The following RP1L1 variants were observed in gnomAD, a reference collection of about 807,000 sequenced individuals.
RP1L1 encodes retinitis pigmentosa 1-like 1 protein.
In RP1L1, 27 loss-of-function variants were observed where a neutral mutation model predicts 15.7. The observed-to-expected ratio is 1.72, with a 90% CI of 1.27 to 2.38. The LOEUF is 2.38. RP1L1 is among the 30% of genes most tolerant of loss of function. The pLI is 0.00. For missense variants in RP1L1, 4,798 were observed against 3,075.9 expected (o/e 1.56, Z -13.24); for synonymous variants, 1,813 against 1,276.7 (o/e 1.42, Z -8.96).
rs1411782855 is a variant in RP1L1 at position 10,622,883 on chromosome 8, TATCAG to T, written c.314_318del (p.Ser105Ter). ...CCACTGGGGGTCTTGGGGGGCTTCT[TATCAG>T]AGCAGAGGTAGCAGCCTCCATCTTC... is the stretch of plus-strand genomic sequence containing the variant. On this transcript the variant is annotated frameshift_variant, in exon 2 of 4. Coordinates refer to ENST00000382483, the MANE Select transcript of RP1L1 (RefSeq NM_178857.6). LOFTEE classifies it high-confidence loss of function. 2 of 1,613,654 alleles carry T rather than the reference TATCAG, an allele frequency of 1.2e-6. No individual in the cohort carries two copies. Among genetic ancestry groups the T allele is most frequent in the Middle Eastern group, 3.3e-4 (2 of 6,056 alleles).
Position 10,611,052 on chromosome 8 carries a change from C to G in RP1L1, c.3046G>C (p.Gly1016Arg). The G allele has an allele frequency of 6.2e-7, 1 of 1,612,808 alleles. No individual in the cohort carries two copies. The highest frequency in any genetic ancestry group is 8.5e-7 in the Non-Finnish European group (1 of 1,179,990). ...GGCTCTGGGTCCTGGCCGGGGTCCC[C>G]TTCCAGGGACTGCTGTCCCGCCTGA... ...PAQAGQQSLE[G>R]DPGQDPEPEG... Residue 1016 changes from glycine (G) to arginine (R), a missense_variant, in exon 4 of 4, where the codon GGG becomes CGG. By Grantham distance (125) the Gly-to-Arg change is moderately radical. Transcript: ENST00000382483.
At chr8:10,651,327 C>T (rs1798557108) in intron 1 of RP1L1, among the ~76,000 whole-genome samples, 1 of 152,222 alleles carries the variant, frequency 6.6e-6, no homozygotes, top group Admixed American at 6.5e-5. Context: ...AGCGCTCTCT[C>T]TCTGATTTGT....
chr8:10,632,475 C>G (rs757913077), intron 1 of RP1L1, among the ~76,000 whole-genome samples: 4 of 152,212 alleles, frequency 2.6e-5, no homozygotes, highest in Non-Finnish European at 5.9e-5. Context: ...CACCTAAAGT[C>G]TTGGGGAGGG....
chr8:10,628,214 A>T (rs1798187374), intron 1 of RP1L1, among the ~76,000 whole-genome samples: 1 of 152,220 alleles, frequency 6.6e-6, no homozygotes, highest in Non-Finnish European at 1.5e-5. Flanking sequence ...CCACAGGATC[A>T]CTGAGGTTAC....
rs527539772 is a variant in RP1L1 at position 10,609,247 on chromosome 8, C to T, written c.4851G>A (p.Ser1617=). The stretch of plus-strand genomic sequence containing the variant: ...GGCCCAGGGTCCGCTCAGAGAAGGC[C>T]GAGAGGTTTCGCAGGCCCCGGAGAC... ...RHRLRGLRNL[S]AFSERTLGLG... Residue 1617 remains serine, a synonymous_variant, in exon 4 of 4, where the codon TCG becomes TCA. Coordinates refer to ENST00000382483, the MANE Select transcript of RP1L1 (RefSeq NM_178857.6). 2.1e-4 allele frequency: 342 copies of T among 1,608,866 alleles called. No homozygotes were observed. The South Asian group carries it at 2.2e-3, about 10-fold the overall frequency.
intron 1 of RP1L1, among the ~76,000 whole-genome samples, chr8:10,623,954 C>T (rs1439132942): frequency 6.6e-6 from 1 of 151,688 alleles, no homozygotes; most frequent in African/African-American, 2.4e-5. Flanking sequence ...CCTCCACATC[C>T]CTGGCATCAC....
chr8:10,609,625 C>T lies in RP1L1; in HGVS notation c.4473G>A (p.Thr1491=), dbSNP rs370105040. ...CAGCCCCCTGGGTGGGTTGGGCCTG[C>T]GTGTGCTCTTGGCCCATCATGGTGG... The part of the protein sequence containing the change: ...PGATMMGQEH[T]QAQPTQGAAE... Residue 1491 remains threonine, a synonymous_variant, in exon 4 of 4, where the codon ACG becomes ACA. Transcript: ENST00000382483. 6.7e-5 allele frequency: 107 copies of T among 1,607,662 alleles called. 1 individual carries two copies. Among genetic ancestry groups the T allele is most frequent in the Non-Finnish European group, 8.7e-5 (103 of 1,179,970 alleles).
chr8:10,648,791 A>T (rs553247618), intron 1 of RP1L1, among the ~76,000 whole-genome samples: 29 of 152,354 alleles, frequency 1.9e-4, no homozygotes, highest in Admixed American at 5.2e-4. Flanking sequence ...TTGGATTGAC[A>T]GACACCACAC....
rs1797720698 is a variant in RP1L1 at position 10,607,299 on chromosome 8, C to G, written c.6799G>C (p.Glu2267Gln). The G allele has an allele frequency of 1.2e-6, 2 of 1,614,092 alleles. No homozygotes were observed. Among genetic ancestry groups the G allele is most frequent in the African/African-American group, 1.3e-5 (1 of 74,934 alleles). Residue 2267 changes from glutamate to glutamine, a missense_variant, in exon 4 of 4, where the codon GAA becomes CAA. By Grantham distance (29) the Glu-to-Gln change is conservative (BLOSUM62 2). Transcript: ENST00000382483. The stretch of plus-strand genomic sequence containing the variant: ...TCCTCAGGGACTGGGCTGCTGCTTT[C>G]AGAAGCCTCCTCAGATTGGCCATCT... The part of the protein sequence containing the change: ...LGDGQSEEAS[E>Q]SSSPVPEDRP...
chr8:10,630,832 C>T (rs1386659984), intron 1 of RP1L1, among the ~76,000 whole-genome samples: 4 of 152,256 alleles, frequency 2.6e-5, no homozygotes, highest in South Asian at 2.1e-4. Flanking sequence ...ATGACAACTG[C>T]TTGCCAACAC....
rs1365403267 is a variant in RP1L1 at position 10,608,745 on chromosome 8, T to C, written c.5353A>G (p.Ser1785Gly). The C allele has an allele frequency of 1.9e-6, 3 of 1,614,104 alleles. No individual in the cohort carries two copies. In the African/African-American group the frequency reaches 4.0e-5, roughly 22 times the overall value. The change falls in exon 4 of 4, where the codon AGT becomes GGT. Residue 1785 changes from serine to glycine, a missense_variant. Transcript: ENST00000382483. ...TCCTGCTCAGCTTCCCCCAACTCAC[T>C]GCCCGCACTGGTTTCACTGTTGTGG... Reference protein sequence around the residue: ...KTHNSETSAGSELGEAEQEGE... With the variant: ...KTHNSETSAGGELGEAEQEGE...
rs550931031 is a variant in RP1L1 at position 10,622,533 on chromosome 8, G to C, written c.609+60C>G. 2.1e-5 allele frequency: 34 copies of C among 1,605,446 alleles called. No individual in the cohort carries two copies. In the Middle Eastern group the frequency reaches 5.0e-4, roughly 23 times the overall value. Reference sequence around the variant, plus strand: ...GGAATAATCTCTCTCTTCCATGTGAGTATTTTGACCTCAGGTCTAAAGAAC... The same window carrying C: ...GGAATAATCTCTCTCTTCCATGTGACTATTTTGACCTCAGGTCTAAAGAAC... On this transcript the variant is annotated intron_variant, in intron 2 of 3. Coordinates refer to ENST00000382483, the MANE Select transcript of RP1L1 (RefSeq NM_178857.6).
At chr8:10,621,800 A>C (rs771556956) in intron 2 of RP1L1, 6 of 493,612 alleles carry the variant, frequency 1.2e-5, no homozygotes, top group Admixed American at 1.0e-4. Flanking sequence ...ACATTCACGC[A>C]TGTCCTTGAA....
Position 10,607,222 on chromosome 8 carries a change from T to C in RP1L1, c.6876A>G (p.Pro2292=), listed in dbSNP as rs929163204. 1 of 1,614,172 alleles carries C rather than the reference T, an allele frequency of 6.2e-7. No homozygotes were observed. The highest frequency in any genetic ancestry group is 1.1e-5 in the South Asian group (1 of 91,086). Residue 2292 remains proline (P), a synonymous_variant, in exon 4 of 4, where the codon CCA becomes CCG. Coordinates refer to ENST00000382483, the MANE Select transcript of RP1L1 (RefSeq NM_178857.6). Reference sequence around the variant, plus strand: ...AGGAGGAAGGGCCTGTTTGGGAGCCTGGCCTTTGGTGGGGAGTGTCTCCAC... The same window carrying C: ...AGGAGGAAGGGCCTGTTTGGGAGCCCGGCCTTTGGTGGGGAGTGTCTCCAC... ...SPGGDTPHQR[P]GSQTGPSSSR... is the part of the protein sequence containing the mutation.
chr8:10,611,592 C>T lies in RP1L1; in HGVS notation c.2506G>A (p.Glu836Lys), dbSNP rs1344215265. ...CSQPGTQPAQ[E>K]AQRGPSPEAS... ...TCAGGGGAGGGTCCCCGCTGGGCCT[C>T]TTGGGCCGGCTGCGTCCCAGGCTGT... The change falls in exon 4 of 4, where the codon GAG becomes AAG. Residue 836 changes from glutamate (E) to lysine (K), a missense_variant. Glu to Lys is a moderately conservative substitution (Grantham distance 56). Coordinates refer to ENST00000382483, the MANE Select transcript of RP1L1 (RefSeq NM_178857.6). The T allele has an allele frequency of 6.2e-7, 1 of 1,611,648 alleles. No homozygotes were observed. The highest frequency in any genetic ancestry group is 1.7e-5 in the Admixed American group (1 of 59,812).
chr8:10,608,744 C>T lies in RP1L1; in HGVS notation c.5354G>A (p.Ser1785Asn). 6.2e-7 allele frequency: 1 copy of T among 1,614,272 alleles called. No individual in the cohort carries two copies. Among genetic ancestry groups the T allele is most frequent in the South Asian group, 1.1e-5 (1 of 91,090 alleles). Reference sequence around the variant, plus strand: ...CTCCTGCTCAGCTTCCCCCAACTCACTGCCCGCACTGGTTTCACTGTTGTG... The same window carrying T: ...CTCCTGCTCAGCTTCCCCCAACTCATTGCCCGCACTGGTTTCACTGTTGTG... The part of the protein sequence containing the change: ...KTHNSETSAG[S>N]ELGEAEQEGE... Residue 1785 changes from serine (S) to asparagine (N), a missense_variant, in exon 4 of 4, where the codon AGT (serine) becomes AAT (asparagine). Coordinates refer to ENST00000382483, the MANE Select transcript of RP1L1 (RefSeq NM_178857.6).
intron 1 of RP1L1, among the ~76,000 whole-genome samples, chr8:10,648,154 C>G (rs1798506927): frequency 2.0e-5 from 3 of 152,054 alleles, no homozygotes. Flanking sequence ...GCCTTGGCCT[C>G]CTGAGTAGCT....
chr8:10,622,810 T>A lies in RP1L1; in HGVS notation c.392A>T (p.Asp131Val), dbSNP rs1363202733. 1 of 1,613,734 alleles carries A rather than the reference T, an allele frequency of 6.2e-7. No individual in the cohort carries two copies. Among genetic ancestry groups the A allele is most frequent in the Admixed American group, 1.7e-5 (1 of 59,986 alleles). ...TGGGGCTTCACGCTGGCCTTCGACA[T>A]CCCGCAACTGCTGAGCAGTGGGGTT... ...ERNPTAQQLR[D>V]VEGQREAPGT... The change falls in exon 2 of 4, where the codon GAT becomes GTT. Residue 131 changes from aspartate (D) to valine (V), a missense_variant. By Grantham distance (152) the Asp-to-Val change is radical (BLOSUM62 -3). Transcript: ENST00000382483.
At position 10,610,020 on chromosome 8, in the gene RP1L1, C is replaced by T. The variant is rs765621513; in HGVS notation, c.4078G>A (p.Glu1360Lys). ...QEEEAQLEEI[E>K]ETGGEGLQEE... The stretch of plus-strand genomic sequence containing the variant: ...TGCAGCCCTTCTCCTCCTGTTTCTT[C>T]AATTTCCTCTAACTGCGCCTCTTCT... Residue 1360 changes from glutamate to lysine, a missense_variant, in exon 4 of 4, where the codon GAA becomes AAA. By Grantham distance (56) the Glu-to-Lys change is moderately conservative (BLOSUM62 1). Transcript: ENST00000382483. The T allele has an allele frequency of 1.5e-5, 24 of 1,552,658 alleles. 1 individual carries two copies. The African/African-American group carries it at 2.8e-4, about 18-fold the overall frequency.
Sources: gnomAD v4.1 joint callset for allele counts (sites outside exome capture counted in the v4.1 genomes callset) on GRCh38, gnomAD v4.1.1 for gene constraint, MANE v1.5 for transcripts, NCBI Gene and HGNC (gene_info 2026-07-23, HGNC 2026-07-21) for gene names.